The following HDAC9 variants were observed in gnomAD, a reference collection of about 807,000 sequenced individuals.
HDAC9 encodes histone deacetylase 9, also known as MEF-2 interacting transcription repressor (MITR) protein.
Under a neutral mutation model 139.4 loss-of-function variants are expected in HDAC9, and 41 were observed. That is an observed-to-expected ratio of 0.29 (90% CI 0.23 to 0.38). The LOEUF is 0.38. HDAC9 is among the 10% of genes least tolerant of loss of function. HDAC9 has a pLI of 1.00. For synonymous variants in HDAC9, 517 were observed against 476.2 expected, an observed-to-expected ratio of 1.09 and a Z score of -1.12; for missense variants, 1,147 against 1,297.0, an observed-to-expected ratio of 0.88 and a Z score of 1.78.
intron 22 of HDAC9, among the ~76,000 whole-genome samples, chr7:18,931,161 T>C (rs1240969874): frequency 2.6e-5 from 4 of 152,236 alleles, no homozygotes; most frequent in African/African-American, 4.8e-5. Context: ...TTAGGTTTTT[T>C]ACATAAATTT....
At chr7:18,957,468 A>T (rs1318424529) in intron 24 of HDAC9, among the ~76,000 whole-genome samples, 1 of 152,140 alleles carries the variant, frequency 6.6e-6, no homozygotes, top group East Asian at 1.9e-4. Flanking sequence ...TTTATAACCA[A>T]TGCTTCCATT....
chr7:18,881,547 A>G (rs1303462682), intron 22 of HDAC9, among the ~76,000 whole-genome samples: 1 of 151,938 alleles, frequency 6.6e-6, no homozygotes, highest in African/African-American at 2.4e-5. Context: ...CTTTTTTACT[A>G]ATGACTTTTT....
chr7:18,984,754 G>A (rs1452217644), intron 25 of HDAC9, among the ~76,000 whole-genome samples: 4 of 152,142 alleles, frequency 2.6e-5, no homozygotes, highest in Non-Finnish European at 4.4e-5. Context: ...GTTGGTTGAA[G>A]GTGACTATGT....
At chr7:18,169,255 G>A (rs1208322607) in intron 2 of HDAC9, among the ~76,000 whole-genome samples, 2 of 151,946 alleles carry the variant, frequency 1.3e-5, no homozygotes, top group African/African-American at 2.4e-5. Context: ...TATTTTTTAT[G>A]AACAAAATAG....
chr7:18,721,744 A>G (rs1180869116), intron 12 of HDAC9, among the ~76,000 whole-genome samples: 3 of 152,220 alleles, frequency 2.0e-5, no homozygotes, highest in African/African-American at 4.8e-5. Context: ...AAAACAAAAC[A>G]AAACAAAACA....
At chr7:18,090,154 C>T (rs557982979) in intron 1 of HDAC9, among the ~76,000 whole-genome samples, 10 of 152,228 alleles carry the variant, frequency 6.6e-5, no homozygotes, top group African/African-American at 1.4e-4. Flanking sequence ...AGGAAGGAGG[C>T]GGCAGGTACA....
At position 18,434,888 on chromosome 7, in the gene HDAC9, G is replaced by T. The variant is rs569557787; in HGVS notation, c.-41-61374G>T. Among the ~76,000 whole-genome samples, 9 of 152,010 alleles carry T rather than the reference G, an allele frequency of 5.9e-5. No homozygotes were observed. In the East Asian group the frequency reaches 1.5e-3, roughly 26 times the overall value. On this transcript the variant is annotated intron_variant, in intron 1 of 3. Coordinates refer to the HDAC9 transcript ENST00000413509. ...CATTCAACCCATCAATCTCATTATC[G>T]GGTATATTCCCAAAGGAATATAAAT... is the stretch of plus-strand genomic sequence containing the variant.
intron 1 of HDAC9, among the ~76,000 whole-genome samples, chr7:18,333,309 G>T (rs1264718262): frequency 6.6e-6 from 1 of 151,398 alleles, no homozygotes; most frequent in Admixed American, 6.6e-5. Flanking sequence ...TAGCACATGT[G>T]TTGGATTACT....
intron 1 of HDAC9, among the ~76,000 whole-genome samples, chr7:18,489,214 A>G (rs1796191024): frequency 6.6e-6 from 1 of 152,062 alleles, no homozygotes; most frequent in African/African-American, 2.4e-5. Flanking sequence ...AAGCAAAATG[A>G]ACTATTTTTT....
intron 9 of HDAC9, among the ~76,000 whole-genome samples, chr7:18,646,806 T>C (rs1787563087): frequency 1.3e-5 from 2 of 152,200 alleles, no homozygotes; most frequent in Non-Finnish European, 2.9e-5. Flanking sequence ...TCATTATTGC[T>C]ATTGATGATA....
At chr7:18,300,300 G>T (rs888736155) in intron 1 of HDAC9, among the ~76,000 whole-genome samples, 1 of 151,892 alleles carries the variant, frequency 6.6e-6, no homozygotes, top group African/African-American at 2.4e-5. Flanking sequence ...AAGATTGGAC[G>T]CTCCTGCTCT....
intron 13 of HDAC9, among the ~76,000 whole-genome samples, chr7:18,743,490 A>G (rs909235617): frequency 2.0e-5 from 3 of 152,150 alleles, no homozygotes; most frequent in Non-Finnish European, 4.4e-5. Flanking sequence ...AGTTTCACAA[A>G]TAATTTAAAA....
At chr7:18,191,142 GATAAC>G (rs1236896108) in intron 2 of HDAC9, among the ~76,000 whole-genome samples, 3 of 152,134 alleles carry the variant, frequency 2.0e-5, no homozygotes, top group Non-Finnish European at 2.9e-5. Flanking sequence ...AAGCCTTACT[GATAAC>G]ATAAACCATT....
At chr7:18,995,507 T>C (rs1448133894) in intron 25 of HDAC9, among the ~76,000 whole-genome samples, 1 of 152,194 alleles carries the variant, frequency 6.6e-6, no homozygotes, top group African/African-American at 2.4e-5. Flanking sequence ...TGTAAAAATA[T>C]TGGGTCTGTA....
At chr7:18,754,747 A>C (rs577135533) in intron 14 of HDAC9, among the ~76,000 whole-genome samples, 1 of 152,260 alleles carries the variant, frequency 6.6e-6, no homozygotes, top group South Asian at 2.1e-4. Context: ...CCAATGAGAA[A>C]AGTGGAGAGC....
chr7:18,669,261 A>G (rs996957919), intron 12 of HDAC9, among the ~76,000 whole-genome samples: 2 of 151,868 alleles, frequency 1.3e-5, no homozygotes, highest in African/African-American at 2.4e-5. Flanking sequence ...CACTCAATAA[A>G]TATTAAAATG....
chr7:18,673,309 T>C (rs563550487), intron 12 of HDAC9, among the ~76,000 whole-genome samples: 3 of 152,106 alleles, frequency 2.0e-5, no homozygotes, highest in African/African-American at 7.2e-5. Flanking sequence ...AATGTTCATG[T>C]CTTAGCTTTG....
intron 17 of HDAC9, among the ~76,000 whole-genome samples, chr7:18,826,581 A>C (rs892617581): frequency 5.9e-5 from 9 of 151,990 alleles, no homozygotes; most frequent in Non-Finnish European, 1.3e-4. Flanking sequence ...AGGATTATGA[A>C]GTGAAAAGCA....
At position 18,368,771 on chromosome 7, in the gene HDAC9, G is replaced by A. The variant is rs1179174373; in HGVS notation, c.-42+78256G>A. Among the ~76,000 whole-genome samples the A allele has an allele frequency of 2.8e-5, 4 of 140,558 alleles. No individual in the cohort carries two copies. The Admixed American group carries it at 2.9e-4, about 10-fold the overall frequency. The allele number at this position is 140,558 out of a possible 152,430, so 92.2% of individuals were successfully genotyped here. ...GCTCAGTGAGGCAAAATGGAATACA[G>A]AAATTCCTACCTAAGTAGTAGCCAA... On this transcript the variant is annotated intron_variant, in intron 1 of 3. Transcript: ENST00000413509.
Sources: allele counts gnomAD v4.1 joint callset (sites outside exome capture counted in the v4.1 genomes callset), GRCh38; gene constraint gnomAD v4.1.1; transcripts MANE v1.5; gene names NCBI Gene and HGNC (gene_info 2026-07-23, HGNC 2026-07-21).